The following FSTL4 variants were observed in gnomAD, a reference collection of about 807,000 sequenced individuals.
FSTL4 encodes follistatin like 4.
FSTL4 carries 28 observed loss-of-function variants against 78.2 expected under a neutral mutation model. The observed-to-expected ratio is 0.36, with a 90% CI of 0.27 to 0.49. The LOEUF is 0.49. Ranked by LOEUF, FSTL4 falls within the 20% of genes least tolerant of loss-of-function variation. The pLI, the probability that FSTL4 is intolerant of heterozygous loss-of-function variation, is 0.98. For missense variants in FSTL4, 922 were observed against 1,084.9 expected (o/e 0.85, Z 2.11); for synonymous variants, 422 against 440.5 (o/e 0.96, Z 0.53).
intron 4 of FSTL4, among the ~76,000 whole-genome samples, chr5:133,358,595 T>TC (rs1166272036): frequency 1.1e-3 from 162 of 146,690 alleles, no homozygotes; most frequent in Admixed American, 2.3e-3. Flanking sequence ...CTATTTCTTT[T>TC]TTTTTTTTTT....
intron 6 of FSTL4, among the ~76,000 whole-genome samples, chr5:133,294,758 C>G (rs774482098): frequency 6.6e-6 from 1 of 152,186 alleles, no homozygotes; most frequent in Admixed American, 6.5e-5. Context: ...GGTATCCAGA[C>G]TCCAAGAATT....
chr5:133,300,869 G>A (rs1753521247), intron 6 of FSTL4, among the ~76,000 whole-genome samples: 1 of 151,926 alleles, frequency 6.6e-6, no homozygotes, highest in Admixed American at 6.6e-5. Context: ...CGGGACACCT[G>A]TTCTGAATAA....
At chr5:133,781,025 C>A in the FSTL4 span, among the ~76,000 whole-genome samples, 1 of 152,214 alleles carries the variant, frequency 6.6e-6, no homozygotes, top group African/African-American at 2.4e-5. Context: ...ACCCAGGTGC[C>A]GCCATGAGTG....
chr5:133,377,102 T>G (rs13181704), intron 4 of FSTL4, among the ~76,000 whole-genome samples: 44,783 of 151,784 alleles, frequency 0.3, 6,778 homozygotes, highest in East Asian at 0.41. Flanking sequence ...CCAGCACAAC[T>G]AATCCCTGCC....
At chr5:133,522,444 A>G (rs1258868094) in intron 3 of FSTL4, among the ~76,000 whole-genome samples, 1 of 152,222 alleles carries the variant, frequency 6.6e-6, no homozygotes, top group East Asian at 1.9e-4. Flanking sequence ...TGCAACTCTT[A>G]TCACCTTTTC....
chr5:133,411,620 T>C (rs1398485730), intron 3 of FSTL4, among the ~76,000 whole-genome samples: 4 of 152,028 alleles, frequency 2.6e-5, no homozygotes, highest in African/African-American at 9.7e-5. Context: ...AGAAGAAAAC[T>C]CCTTAAATAG....
At chr5:133,288,541 C>T (rs1488508675) in intron 6 of FSTL4, among the ~76,000 whole-genome samples, 2 of 152,234 alleles carry the variant, frequency 1.3e-5, no homozygotes, top group Admixed American at 6.5e-5. Flanking sequence ...TGCCCAGCCA[C>T]GAGGGGCTCA....
rs912699311 is a variant in FSTL4 at position 133,249,533 on chromosome 5, C to G, written c.771G>C (p.Val257=). 3 of 1,613,602 alleles carry G rather than the reference C, an allele frequency of 1.9e-6. No homozygotes were observed. The highest frequency in any genetic ancestry group is 2.7e-5 in the African/African-American group (2 of 74,930). The change falls in exon 7 of 16, where the codon GTG becomes GTC. Residue 257 remains valine, a synonymous_variant. Transcript: ENST00000265342. ...TGCTCAGCCCCACGGTCACTGTGGTCACACTGACCCTGTCCTCGGGGGCGA... is the reference window on the plus strand; with the variant it reads ...TGCTCAGCCCCACGGTCACTGTGGTGACACTGACCCTGTCCTCGGGGGCGA... ...LSLAPEDRVS[V]TTVTVGLSTV... is the part of the protein sequence containing the mutation.
At chr5:133,776,691 G>A in the FSTL4 span, among the ~76,000 whole-genome samples, 3 of 152,266 alleles carry the variant, frequency 2.0e-5, no homozygotes, top group Admixed American at 2.0e-4. Context: ...ATCACACCGA[G>A]TACTTACCTC....
At chr5:133,356,605 G>T (rs1345333839) in intron 4 of FSTL4, among the ~76,000 whole-genome samples, 2 of 152,346 alleles carry the variant, frequency 1.3e-5, no homozygotes, top group South Asian at 4.1e-4. Context: ...GGCCCCAGGA[G>T]CCCGTTGATG....
the FSTL4 span, among the ~76,000 whole-genome samples, chr5:133,827,722 A>C: frequency 6.6e-6 from 1 of 151,604 alleles, no homozygotes; most frequent in Non-Finnish European, 1.5e-5. Context: ...CTCACCCCAA[A>C]TTCTGTACAT....
intron 8 of FSTL4, among the ~76,000 whole-genome samples, chr5:133,230,741 C>A (rs536213837): frequency 1.3e-5 from 2 of 152,306 alleles, no homozygotes; most frequent in South Asian, 2.1e-4. Flanking sequence ...TCCTCCTGCG[C>A]CTTATCCCAG....
At chr5:133,636,970 G>T in the FSTL4 span, among the ~76,000 whole-genome samples, 8 of 152,288 alleles carry the variant, frequency 5.3e-5, no homozygotes, top group Admixed American at 2.0e-4. Flanking sequence ...TACACAGCTG[G>T]TAAGGAACAT....
chr5:133,323,349 T>C (rs1353047092), intron 4 of FSTL4, among the ~76,000 whole-genome samples: 3 of 152,102 alleles, frequency 2.0e-5, no homozygotes, highest in East Asian at 3.9e-4. Context: ...ACTTAGCAAG[T>C]GGTTGGCGAG....
At chr5:133,331,240 G>A (rs1008988233) in intron 4 of FSTL4, among the ~76,000 whole-genome samples, 2 of 152,218 alleles carry the variant, frequency 1.3e-5, no homozygotes, top group Non-Finnish European at 2.9e-5. Context: ...GAAATAACAG[G>A]TGGGGAGACT....
the FSTL4 span, among the ~76,000 whole-genome samples, chr5:133,707,279 T>C: frequency 3.3e-5 from 5 of 152,222 alleles, no homozygotes; most frequent in Non-Finnish European, 7.3e-5. Flanking sequence ...CCACGGCCTC[T>C]GGACGCTCCC....
intron 14 of FSTL4, among the ~76,000 whole-genome samples, chr5:133,205,221 T>C (rs960269425): frequency 6.6e-6 from 1 of 152,252 alleles, no homozygotes; most frequent in African/African-American, 2.4e-5. Flanking sequence ...ATTAAATGTC[T>C]TTTCAGTATT....
chr5:133,464,509 C>A (rs1757661084), intron 3 of FSTL4, among the ~76,000 whole-genome samples: 2 of 152,202 alleles, frequency 1.3e-5, no homozygotes, highest in Non-Finnish European at 2.9e-5. Context: ...ACAAACACAG[C>A]ATCAGCAGAG....
At chr5:133,778,475 A>G in the FSTL4 span, among the ~76,000 whole-genome samples, 3 of 152,226 alleles carry the variant, frequency 2.0e-5, no homozygotes, top group East Asian at 5.8e-4. Flanking sequence ...CTTTCTTTGC[A>G]GAGGCAAAGT....
Sources: allele counts gnomAD v4.1 joint callset (sites outside exome capture counted in the v4.1 genomes callset), GRCh38; gene constraint gnomAD v4.1.1; transcripts MANE v1.5; gene names NCBI Gene and HGNC (gene_info 2026-07-23, HGNC 2026-07-21).